Variants in SEMA6D observed in about 807,000 individuals in gnomAD.
SEMA6D encodes semaphorin-6D.
In SEMA6D, 35 loss-of-function variants were observed where a neutral mutation model predicts 106.6. The observed-to-expected ratio is 0.33, with a 90% CI of 0.25 to 0.44. SEMA6D has a LOEUF of 0.44. Ranked by LOEUF, SEMA6D falls within the 20% of genes least tolerant of loss-of-function variation. The pLI is 1.00. For synonymous variants in SEMA6D, 499 were observed against 487.7 expected, an observed-to-expected ratio of 1.02 and a Z score of -0.31; for missense variants, 1,185 against 1,345.9, an observed-to-expected ratio of 0.88 and a Z score of 1.87.
intron 1 of SEMA6D, among the ~76,000 whole-genome samples, chr15:47,314,521 C>T (rs947276194): frequency 5.1e-5 from 7 of 136,228 alleles, no homozygotes; most frequent in African/African-American, 1.8e-4. Flanking sequence ...TGGCGTGAAC[C>T]CGGGAGGCGG....
In SEMA6D at chr15:47,759,904, C is replaced by T; in HGVS notation, c.106C>T (p.His36Tyr). The T allele has an allele frequency of 8.7e-6, 14 of 1,603,246 alleles. No individual in the cohort carries two copies. The highest frequency in any genetic ancestry group is 1.2e-5 in the Non-Finnish European group (14 of 1,170,236). Residue 36 changes from histidine (H) to tyrosine (Y), a missense_variant, in exon 2 of 19, where the codon CAC (histidine) becomes TAC (tyrosine). His to Tyr is a moderately conservative substitution (Grantham distance 83). Around this residue, in one of 3 missense-constraint regions of SEMA6D, gnomAD observed 144 missense variants for 138.6 expected, o/e 1.04. Coordinates refer to ENST00000536845, the MANE Select transcript of SEMA6D (RefSeq NM_001358351.3). ...DDEPLNTVDY[H>Y]YSRQYPVFRG... ...TGAACCCCTTAATACTGTCGACTAT[C>T]ACTGTAAGTCGTCTCAAGAACAGTC...
At chr15:47,459,570 A>T (rs998210107) in intron 2 of SEMA6D, among the ~76,000 whole-genome samples, 3 of 152,100 alleles carry the variant, frequency 2.0e-5, no homozygotes, top group Non-Finnish European at 4.4e-5. Flanking sequence ...ACGGAGAAAC[A>T]GATGAAGGGA....
chr15:47,769,525 C>CA (rs1401744255), intron 18 of SEMA6D, among the ~76,000 whole-genome samples: 3 of 152,066 alleles, frequency 2.0e-5, no homozygotes, highest in Non-Finnish European at 4.4e-5. Context: ...CGGTCTTTCA[C>CA]AGTGCCACTG....
At chr15:47,441,377 G>A (rs1055520925) in intron 2 of SEMA6D, among the ~76,000 whole-genome samples, 3 of 152,096 alleles carry the variant, frequency 2.0e-5, no homozygotes, top group African/African-American at 7.2e-5. Flanking sequence ...AAATAAATTT[G>A]TAATGTAAGT....
intron 1 of SEMA6D, among the ~76,000 whole-genome samples, chr15:47,741,100 T>C (rs918146831): frequency 6.6e-6 from 1 of 152,228 alleles, no homozygotes; most frequent in Non-Finnish European, 1.5e-5. Flanking sequence ...TCTGACAGTA[T>C]TCTTATCTTA....
chr15:47,321,192 C>A (rs572903729), intron 1 of SEMA6D, among the ~76,000 whole-genome samples: 2 of 152,288 alleles, frequency 1.3e-5, no homozygotes, highest in Admixed American at 6.5e-5. Context: ...AGCCCATCTT[C>A]CTGGTAAAGA....
chr15:47,243,703 T>C (rs890809882), intron 1 of SEMA6D, among the ~76,000 whole-genome samples: 1 of 152,082 alleles, frequency 6.6e-6, no homozygotes, highest in African/African-American at 2.4e-5. Flanking sequence ...GAAGTGGAGA[T>C]CTCTGGTGTG....
intron 3 of SEMA6D, among the ~76,000 whole-genome samples, chr15:47,561,686 A>G (rs1444941229): frequency 6.6e-6 from 1 of 151,482 alleles, no homozygotes. Flanking sequence ...TATTTTAAAT[A>G]TAGGTAAATA....
intron 4 of SEMA6D, among the ~76,000 whole-genome samples, chr15:47,685,716 G>A (rs1039249462): frequency 6.6e-6 from 1 of 152,118 alleles, no homozygotes; most frequent in Non-Finnish European, 1.5e-5. Flanking sequence ...CACAGCTATG[G>A]TAGAACATGT....
At chr15:47,502,368 T>C (rs1376540351) in intron 3 of SEMA6D, among the ~76,000 whole-genome samples, 1 of 152,156 alleles carries the variant, frequency 6.6e-6, no homozygotes, top group Non-Finnish European at 1.5e-5. Context: ...AAAAGTACAC[T>C]ACAGAAAGTG....
At position 47,426,744 on chromosome 15, in the gene SEMA6D, C is replaced by T. The variant is rs146508725; in HGVS notation, c.-159+14272C>T. 1.8e-3 allele frequency among the ~76,000 whole-genome samples: 279 copies of T among 152,180 alleles called. 1 individual carries two copies. The highest frequency in any genetic ancestry group is 0.012 in the South Asian group (58 of 4,826). ...CATATATAATACCAAATATTTTTCC[C>T]CCAAGTAAAGCCCAATGCTAGAAAG... On this transcript the variant is annotated intron_variant, in intron 2 of 19. Transcript: ENST00000558014.
chr15:47,585,947 T>C (rs2076332536), intron 3 of SEMA6D, among the ~76,000 whole-genome samples: 1 of 152,196 alleles, frequency 6.6e-6, no homozygotes, highest in Admixed American at 6.5e-5. Context: ...ATTAACTGGC[T>C]TTTTAAAGGA....
chr15:47,745,841 A>G (rs965044753), intron 1 of SEMA6D, among the ~76,000 whole-genome samples: 4 of 152,224 alleles, frequency 2.6e-5, no homozygotes, highest in African/African-American at 9.6e-5. Flanking sequence ...TTCCATCAGT[A>G]GGAAAAAATA....
intron 1 of SEMA6D, among the ~76,000 whole-genome samples, chr15:47,366,527 C>G (rs1271072313): frequency 6.6e-6 from 1 of 152,088 alleles, no homozygotes; most frequent in Non-Finnish European, 1.5e-5. Context: ...GGCCCTAAGA[C>G]TATATTTGAG....
chr15:47,185,092 G>C (rs1893468805), intron 1 of SEMA6D, among the ~76,000 whole-genome samples: 2 of 152,192 alleles, frequency 1.3e-5, no homozygotes, highest in African/African-American at 4.8e-5. Context: ...TTCTCTGGGT[G>C]GGTCCCTTGT....
chr15:47,303,009 ACTGAGCTGGACTTGGGC>A (rs2036083343), intron 1 of SEMA6D, among the ~76,000 whole-genome samples: 1 of 152,218 alleles, frequency 6.6e-6, no homozygotes, highest in Admixed American at 6.5e-5. Flanking sequence ...CACTCTGCTA[ACTGAGCTGGACTTGGGC>A]CTATGCTGGT....
At chr15:47,343,395 A>G (rs1420125325) in intron 1 of SEMA6D, among the ~76,000 whole-genome samples, 1 of 151,636 alleles carries the variant, frequency 6.6e-6, no homozygotes, top group Non-Finnish European at 1.5e-5. Flanking sequence ...TCCTAATGCT[A>G]TCCCTCCCCA....
At chr15:47,268,045 A>G (rs2034401155) in intron 1 of SEMA6D, among the ~76,000 whole-genome samples, 1 of 152,138 alleles carries the variant, frequency 6.6e-6, no homozygotes, top group Non-Finnish European at 1.5e-5. Flanking sequence ...CTTATTAGGA[A>G]TACAGAATCA....
chr15:47,364,152 C>T (rs929976082), intron 1 of SEMA6D, among the ~76,000 whole-genome samples: 38 of 152,142 alleles, frequency 2.5e-4, no homozygotes, highest in African/African-American at 8.9e-4. Flanking sequence ...TCAGCTGAGC[C>T]AGGCAAGACA....
Sources: gnomAD v4.1 joint callset for allele counts (sites outside exome capture counted in the v4.1 genomes callset) on GRCh38, gnomAD v4.1.1 for gene constraint, gnomAD v4.1.1 regional missense constraint, MANE v1.5 for transcripts, NCBI Gene and HGNC (gene_info 2026-07-23, HGNC 2026-07-21) for gene names.